The following CACNA1C variants were observed in gnomAD, a reference collection of about 807,000 sequenced individuals.
CACNA1C encodes the protein voltage-dependent L-type calcium channel subunit alpha-1C.
CACNA1C carries 30 observed loss-of-function variants against 229.0 expected under a neutral mutation model. That is an observed-to-expected ratio of 0.13 (90% CI 0.10 to 0.18). CACNA1C has a LOEUF of 0.18. Ranked by LOEUF, CACNA1C falls within the 10% of genes least tolerant of loss-of-function variation. CACNA1C has a pLI of 1.00. For missense variants in CACNA1C, 1,658 were observed against 2,845.0 expected, an observed-to-expected ratio of 0.58 and a Z score of 9.49; for synonymous variants, 1,114 against 1,132.5, an observed-to-expected ratio of 0.98 and a Z score of 0.33.
chr12:2,106,672 G>GCATC (rs1565722265), intron 1 of CACNA1C, among the ~76,000 whole-genome samples: 10 of 83,170 alleles, frequency 1.2e-4, no homozygotes, highest in Admixed American at 2.3e-4. Context: ...CCTCAGCTGG[G>GCATC]GCGTCCTGAA....
intron 1 of CACNA1C, among the ~76,000 whole-genome samples, chr12:1,995,303 T>A (rs929132643): frequency 6.6e-6 from 1 of 152,228 alleles, no homozygotes; most frequent in Admixed American, 6.5e-5. Context: ...AGAATCATAA[T>A]GCGTGTTGTG....
At position 2,044,115 on chromosome 12, in the gene CACNA1C, G is replaced by A. The variant is rs113491119; in HGVS notation, c.140-71109G>A. On this transcript the variant is annotated intron_variant, in intron 1 of 46. Coordinates refer to the CACNA1C transcript ENST00000682462. ...AAAAAATCATTATGTAAGCAGGACC[G>A]AACATGACAAAGGCAGAAAATTTGA... Among the ~76,000 whole-genome samples, 178 of 152,290 alleles carry A rather than the reference G, an allele frequency of 1.2e-3. 1 individual carries two copies. The highest frequency in any genetic ancestry group is 4.0e-3 in the African/African-American group (167 of 41,550).
chr12:2,253,707 T>C (rs2076408145), intron 3 of CACNA1C, among the ~76,000 whole-genome samples: 1 of 152,250 alleles, frequency 6.6e-6, no homozygotes, highest in Admixed American at 6.5e-5. Flanking sequence ...TCAGTAAATG[T>C]CAGTTTCTGC....
chr12:2,128,000 C>G (rs1565863876), intron 3 of CACNA1C, among the ~76,000 whole-genome samples: 1 of 152,164 alleles, frequency 6.6e-6, no homozygotes, highest in Admixed American at 6.5e-5. Flanking sequence ...GAGAATGTAT[C>G]CCTCTTGTTC....
At chr12:2,484,626 C>T (rs1302631757) in intron 5 of CACNA1C, among the ~76,000 whole-genome samples, 1 of 152,128 alleles carries the variant, frequency 6.6e-6, no homozygotes, top group African/African-American at 2.4e-5. Context: ...TGAGGCCCGT[C>T]GAGACACCCC....
intron 3 of CACNA1C, among the ~76,000 whole-genome samples, chr12:2,208,875 C>T (rs2097839955): frequency 6.6e-6 from 1 of 152,140 alleles, no homozygotes; most frequent in African/African-American, 2.4e-5. Flanking sequence ...GGTTTAAGTA[C>T]CCTACATTGA....
chr12:2,277,499 C>T (rs2089281058), intron 3 of CACNA1C, among the ~76,000 whole-genome samples: 1 of 151,608 alleles, frequency 6.6e-6, no homozygotes, highest in South Asian at 2.1e-4. Context: ...TGCTCTCTAA[C>T]AAAAAAACCC....
intron 34 of CACNA1C, chr12:2,660,711 C>G (rs991690189): frequency 6.6e-6 from 1 of 152,122 alleles, no homozygotes; most frequent in Admixed American, 6.6e-5. Context: ...GTAATCCCAG[C>G]TACTCGGGAG....
intron 1 of CACNA1C, among the ~76,000 whole-genome samples, chr12:1,998,135 T>C (rs11062055): frequency 0.15 from 23,097 of 152,270 alleles, 1,872 homozygotes; most frequent in East Asian, 0.21. Context: ...GCAAGTTCTA[T>C]GTCATCATTG....
At chr12:2,176,913 C>T (rs2154271958) in intron 3 of CACNA1C, among the ~76,000 whole-genome samples, 1 of 152,310 alleles carries the variant, frequency 6.6e-6, no homozygotes, top group East Asian at 1.9e-4. Context: ...TAGCAAGGCA[C>T]ATTCAGGGGG....
chr12:2,559,464 C>T lies in CACNA1C; in HGVS notation c.1508+2487C>T, dbSNP rs140423293. On this transcript the variant is annotated intron_variant, in intron 11 of 46. Coordinates refer to ENST00000399655, the MANE Select transcript of CACNA1C (RefSeq NM_000719.7). ...GCCTGTAAACCTCTGGAGTCTCCCT[C>T]GGCCCTGAGGCTTTGCTATGTGCTG... 4.3e-4 allele frequency among the ~76,000 whole-genome samples: 65 copies of T among 152,342 alleles called. 2 individuals carry two copies. In the East Asian group the frequency reaches 0.012, roughly 28 times the overall value.
Position 2,675,387 on chromosome 12 carries a change from T to A in CACNA1C, c.4828+745T>A, listed in dbSNP as rs117450095. On this transcript the variant is annotated intron_variant, in intron 39 of 46. Coordinates refer to ENST00000399655, the MANE Select transcript of CACNA1C (RefSeq NM_000719.7). ...CAGGAAACAAGACAATACTGAATAC[T>A]GTCAACACTTTGATTTGCCATTTTG... 1.1e-4 allele frequency among the ~76,000 whole-genome samples: 16 copies of A among 152,298 alleles called. No homozygotes were observed. The East Asian group carries it at 3.1e-3, about 29-fold the overall frequency.
At chr12:2,481,785 G>T (rs975984020) in intron 5 of CACNA1C, among the ~76,000 whole-genome samples, 1 of 152,372 alleles carries the variant, frequency 6.6e-6, no homozygotes, top group Admixed American at 6.5e-5. Flanking sequence ...TTACCCTGAT[G>T]TAGGGCTAGA....
At chr12:2,487,585 T>G (rs969093680) in intron 6 of CACNA1C, among the ~76,000 whole-genome samples, 1 of 151,738 alleles carries the variant, frequency 6.6e-6, no homozygotes, top group Non-Finnish European at 1.5e-5. Flanking sequence ...CACAAATGTT[T>G]TCACTTTTTG....
intron 1 of CACNA1C, among the ~76,000 whole-genome samples, chr12:2,015,174 C>T (rs2045135265): frequency 1.3e-5 from 2 of 152,210 alleles, no homozygotes; most frequent in Non-Finnish European, 2.9e-5. Flanking sequence ...CTTCTGTACT[C>T]TCTCTCCCTT....
At chr12:2,584,067 C>A (rs1319798710) in intron 15 of CACNA1C, among the ~76,000 whole-genome samples, 1 of 152,200 alleles carries the variant, frequency 6.6e-6, no homozygotes, top group Non-Finnish European at 1.5e-5. Flanking sequence ...GGTGCAGGCT[C>A]ACATTAAGAG....
chr12:2,609,636 G>A (rs1303679403), intron 27 of CACNA1C, among the ~76,000 whole-genome samples: 2 of 151,120 alleles, frequency 1.3e-5, no homozygotes, highest in African/African-American at 4.9e-5. Flanking sequence ...TAAGACTCAG[G>A]CGTTGGACAC....
chr12:2,111,638 G>T (rs2081810957), intron 1 of CACNA1C, among the ~76,000 whole-genome samples: 2 of 150,880 alleles, frequency 1.3e-5, no homozygotes. Flanking sequence ...TTGGGGACAG[G>T]GCAGCTTTTA....
At chr12:2,066,315 G>C (rs1483158178) in intron 1 of CACNA1C, among the ~76,000 whole-genome samples, 2 of 152,112 alleles carry the variant, frequency 1.3e-5, no homozygotes, top group African/African-American at 4.8e-5. Flanking sequence ...TGGGGAGAGA[G>C]AGAGCAGAGG....
Sources: gnomAD v4.1 joint callset for allele counts (sites outside exome capture counted in the v4.1 genomes callset) on GRCh38, gnomAD v4.1.1 for gene constraint, MANE v1.5 for transcripts, NCBI Gene and HGNC (gene_info 2026-07-23, HGNC 2026-07-21) for gene names.